The following SUN2 variants were observed in gnomAD, a reference collection of about 807,000 sequenced individuals.
SUN2 encodes the protein Sad1 and UNC84 domain containing 2.
SUN2 carries 60 observed loss-of-function variants against 100.0 expected under a neutral mutation model. The observed-to-expected ratio is 0.60, with a 90% CI of 0.49 to 0.74. The LOEUF (loss-of-function observed/expected upper bound fraction) is 0.74. SUN2 is among the 30% of genes least tolerant of loss of function. SUN2 has a pLI of 0.00. For missense variants in SUN2, 834 were observed against 954.6 expected (o/e 0.87, Z 1.66); for synonymous variants, 367 against 403.3 (o/e 0.91, Z 1.08).
At chr22:38,746,070 A>G (rs909362855) in intron 7 of SUN2, among the ~76,000 whole-genome samples, 15 of 152,192 alleles carry the variant, frequency 9.9e-5, no homozygotes, top group African/African-American at 3.6e-4. Flanking sequence ...CTTGGAGAAA[A>G]CATTTTGAAT....
In SUN2 at chr22:38,736,243, G is replaced by A. The variant is rs753127205; in HGVS notation, c.*24C>T. On this transcript the variant is annotated 3_prime_UTR_variant, in exon 18 of 18. Coordinates refer to ENST00000689035, the MANE Select transcript of SUN2 (RefSeq NM_015374.3). Reference sequence around the variant, plus strand: ...GCTGTTCACCCACTCCCAGATGGCTGGCAGCAGGCACCAGTAAGCAGGGCT... The same window carrying A: ...GCTGTTCACCCACTCCCAGATGGCTAGCAGCAGGCACCAGTAAGCAGGGCT... 6.2e-7 allele frequency: 1 copy of A among 1,601,466 alleles called. No homozygotes were observed. Among genetic ancestry groups the A allele is most frequent in the Non-Finnish European group, 8.5e-7 (1 of 1,171,226 alleles).
At position 38,755,645 on chromosome 22, in the gene SUN2, G is replaced by T; in HGVS notation, c.-38+118C>A. On this transcript the variant is annotated intron_variant, in intron 1 of 17. Coordinates refer to ENST00000689035, the MANE Select transcript of SUN2 (RefSeq NM_015374.3). This position sits in a 1 kb window ranked among gnomAD's most constrained non-coding sequence, Gnocchi z 5.7. ...GTGGAGGCTGGATCCGGCCCAGCACGTCCCGGAGAGGAGGAAGCAGGCCTG... is the reference window on the plus strand; with the variant it reads ...GTGGAGGCTGGATCCGGCCCAGCACTTCCCGGAGAGGAGGAAGCAGGCCTG... 1.0e-6 allele frequency: 1 copy of T among 962,516 alleles called. No homozygotes were observed. The highest frequency in any genetic ancestry group is 1.2e-6 in the Non-Finnish European group (1 of 808,994). 59.6% of individuals were successfully genotyped at this position (962,516 alleles called of 1,614,324 possible).
At chr22:38,750,395 G>T (rs1255082896) in intron 4 of SUN2, 75 bp from the exon 5 acceptor site, 6 of 1,583,786 alleles carry the variant, frequency 3.8e-6, no homozygotes, top group East Asian at 2.3e-5. Context: ...TGTGAGCCAA[G>T]ACCACAAGTC....
chr22:38,750,980 C>T lies in SUN2; in HGVS notation c.342G>A (p.Arg114=), dbSNP rs773389007. The stretch of plus-strand genomic sequence containing the variant: ...CCTTGCGCCCCACAAGCCCGCTGGC[C>T]CTGCTGCTCTCTGAGCCACCCGTGC... ...RRGTGGSESS[R]ASGLVGRKAT... is the part of the protein sequence containing the mutation. The change falls in exon 4 of 18, where the codon AGG becomes AGA. Residue 114 remains arginine, a synonymous_variant. Transcript: ENST00000689035. 8 of 1,613,788 alleles carry T rather than the reference C, an allele frequency of 5.0e-6. No individual in the cohort carries two copies. The Admixed American group carries it at 6.7e-5, about 13-fold the overall frequency.
In SUN2 at chr22:38,739,078, G is replaced by T; in HGVS notation, c.1664-90C>A. Reference sequence around the variant, plus strand: ...GCTGTCTCCTCGCTGAAGGTGGACGGCAGATGCCCCAGGCCTAGCCTTTAA... The same window carrying T: ...GCTGTCTCCTCGCTGAAGGTGGACGTCAGATGCCCCAGGCCTAGCCTTTAA... On this transcript the variant is annotated intron_variant, in intron 14 of 17. Coordinates refer to ENST00000689035, the MANE Select transcript of SUN2 (RefSeq NM_015374.3). This position sits in a 1 kb window ranked among gnomAD's most constrained non-coding sequence, Gnocchi z 6.7. 1 of 1,302,280 alleles carries T rather than the reference G, an allele frequency of 7.7e-7. No individual in the cohort carries two copies. The allele number at this position is 1,302,280 out of a possible 1,614,324, so 80.7% of individuals were successfully genotyped here.
intron 1 of SUN2, chr22:38,754,604 C>CGGGGG: frequency 2.3e-6 from 1 of 437,636 alleles, no homozygotes; most frequent in Non-Finnish European, 4.5e-6. Flanking sequence ...AAGGTAATCT[C>CGGGGG]CCCTCCCCCC....
In SUN2 at chr22:38,737,793, T is replaced by C; in HGVS notation, c.2040+380A>G. 2.4e-6 allele frequency: 1 copy of C among 419,672 alleles called. No individual in the cohort carries two copies. Among genetic ancestry groups the C allele is most frequent in the East Asian group, 6.5e-5 (1 of 15,290 alleles). 26.0% of individuals were successfully genotyped at this position (419,672 alleles called of 1,614,324 possible). ...AGGAGATCGGATGCCCACTGAAGTT[T>C]AAGCCGCATGCACTGCCTGAGGCTC... On this transcript the variant is annotated intron_variant, in intron 17 of 17. Coordinates refer to ENST00000689035, the MANE Select transcript of SUN2 (RefSeq NM_015374.3). This position sits in a 1 kb window ranked among gnomAD's most constrained non-coding sequence, Gnocchi z 4.1.
chr22:38,751,604 G>A (rs1477821155), intron 2 of SUN2, among the ~76,000 whole-genome samples: 1 of 152,250 alleles, frequency 6.6e-6, no homozygotes, highest in Non-Finnish European at 1.5e-5. Flanking sequence ...GCTAGGGATG[G>A]AGCCACATTC....
chr22:38,739,741 A>T lies in SUN2; in HGVS notation c.1559T>A (p.Val520Glu). ...CCTCACCTCCTCTGTCACTCCAATC[A>T]CACCTTCTTTCTGCAGCGTCAGGCT... ...SLSLTLQKEG[V>E]IGVTEEQVHH... The change falls in exon 13 of 18, where the codon GTG becomes GAG. Residue 520 changes from valine to glutamate, a missense_variant. By Grantham distance (121) the Val-to-Glu change is moderately radical (BLOSUM62 -2). Coordinates refer to ENST00000689035, the MANE Select transcript of SUN2 (RefSeq NM_015374.3). The surrounding 1 kb of genome is among the most constrained non-coding windows in gnomAD (Gnocchi z 6.7). The T allele has an allele frequency of 6.2e-7, 1 of 1,613,554 alleles. No individual in the cohort carries two copies.
In SUN2 at chr22:38,740,281, C is replaced by A; in HGVS notation, c.1342G>T (p.Ala448Ser). ...EVGLLPQQIQAVRDDVESQFP... is the reference protein window; with the variant it reads ...EVGLLPQQIQSVRDDVESQFP... ...TTCCCACTCACGTCGTCCCGCACGG[C>A]CTGGATCTGCTGGGGCAGCAGGCCC... The change falls in exon 12 of 18, where the codon GCC becomes TCC. Residue 448 changes from alanine to serine, a missense_variant. By Grantham distance (99) the Ala-to-Ser change is moderately conservative. This residue lies in a region of SUN2 where 559 missense variants were observed against 597.7 expected (regional missense o/e 0.94). Coordinates refer to ENST00000689035, the MANE Select transcript of SUN2 (RefSeq NM_015374.3). The surrounding 1 kb of genome is among the most constrained non-coding windows in gnomAD (Gnocchi z 4.8). The A allele has an allele frequency of 6.3e-7, 1 of 1,598,606 alleles. No individual in the cohort carries two copies. Among genetic ancestry groups the A allele is most frequent in the Non-Finnish European group, 8.5e-7 (1 of 1,172,836 alleles).
Position 38,755,982 on chromosome 22 carries a change from C to A in SUN2, c.-257G>T, listed in dbSNP as rs893020720. ...GGAGGCCCGCGCTGCGCGAGTGGGG[C>A]CGGGCGGCGCGCGTGTGGCCGACTC... is the stretch of plus-strand genomic sequence containing the variant. On this transcript the variant is annotated 5_prime_UTR_variant, in exon 1 of 18. Coordinates refer to ENST00000689035, the MANE Select transcript of SUN2 (RefSeq NM_015374.3). The surrounding 1 kb of genome is among the most constrained non-coding windows in gnomAD (Gnocchi z 5.7). 1 of 984,234 alleles carries A rather than the reference C, an allele frequency of 1.0e-6. No homozygotes were observed. Among genetic ancestry groups the A allele is most frequent in the African/African-American group, 1.7e-5 (1 of 57,196 alleles). 61.0% of individuals were successfully genotyped at this position (984,234 alleles called of 1,614,324 possible). A position where few individuals can be genotyped will look rare whatever the true frequency, so the allele number is the denominator to read the frequency against.
rs909288434 is a variant in SUN2 at position 38,740,123 on chromosome 22, C to T, written c.1356+144G>A. The stretch of plus-strand genomic sequence containing the variant: ...CAGGAAGAACGCCTGTCAGTGAGAG[C>T]CCACATGTGTCAAGGCCAACGCCAC... On this transcript the variant is annotated intron_variant, in intron 12 of 17. Coordinates refer to ENST00000689035, the MANE Select transcript of SUN2 (RefSeq NM_015374.3). The surrounding 1 kb of genome is among the most constrained non-coding windows in gnomAD (Gnocchi z 4.8). The T allele has an allele frequency of 2.3e-5, 29 of 1,253,234 alleles. No homozygotes were observed. The African/African-American group carries it at 4.1e-4, about 18-fold the overall frequency. 77.6% of individuals were successfully genotyped at this position (1,253,234 alleles called of 1,614,324 possible). A position where few individuals can be genotyped will look rare whatever the true frequency, so the allele number is the denominator to read the frequency against.
rs141299919 is a variant in SUN2, at chr22:38,751,267, C to T, written c.229G>A (p.Glu77Lys). The change falls in exon 3 of 18, where the codon GAG becomes AAG. Residue 77 changes from glutamate to lysine, a missense_variant. Physicochemically the swap from Glu to Lys is moderately conservative, Grantham distance 56 (BLOSUM62 1). Coordinates refer to ENST00000689035, the MANE Select transcript of SUN2 (RefSeq NM_015374.3). ...GAGCTCCTGGGTGGGAACCAGGACT[C>T]GTGGACCAGCGACTCACTGTAGTAG... ...TSYYSESLVHESWFPPRSSLE... is the reference protein window; with the variant it reads ...TSYYSESLVHKSWFPPRSSLE... 68 of 1,614,000 alleles carry T rather than the reference C, an allele frequency of 4.2e-5. No individual in the cohort carries two copies. The highest frequency in any genetic ancestry group is 4.7e-5 in the Non-Finnish European group (56 of 1,179,992).
At chr22:38,752,094 C>T (rs2092949617) in intron 2 of SUN2, among the ~76,000 whole-genome samples, 2 of 152,234 alleles carry the variant, frequency 1.3e-5, no homozygotes, top group South Asian at 4.1e-4. Context: ...CCTGCCTCAG[C>T]CTCCTGAGTA....
rs142155226 is a variant in SUN2, at chr22:38,748,763, G to A, written c.635C>T (p.Thr212Met). The change falls in exon 7 of 18, where the codon ACG becomes ATG. Residue 212 changes from threonine (T) to methionine (M), a missense_variant. Transcript: ENST00000689035. ...CAGCGGCAGCAGGAACCAGAGGAAC[G>A]TCTTCAGGGACGAGAAGCGCCTGGA... ...VLTRRFSSLK[T>M]FLWFLLPLLL... is the part of the protein sequence containing the mutation. 1.2e-4 allele frequency: 190 copies of A among 1,614,242 alleles called. No individual in the cohort carries two copies. In the East Asian group the frequency reaches 1.9e-3, roughly 16 times the overall value.
In SUN2 at chr22:38,739,680, G is replaced by C. The variant is rs369141738; in HGVS notation, c.1578+42C>G. The C allele has an allele frequency of 3.1e-6, 5 of 1,596,658 alleles. No homozygotes were observed. Among genetic ancestry groups the C allele is most frequent in the Non-Finnish European group, 4.3e-6 (5 of 1,168,190 alleles). ...GACTGTCCAGGGCTCCCAGGGAGGA[G>C]AGCTGTGGGTGGGTGTGTGGAGAGG... On this transcript the variant is annotated intron_variant, in intron 13 of 17. Coordinates refer to ENST00000689035, the MANE Select transcript of SUN2 (RefSeq NM_015374.3). The surrounding 1 kb of genome is among the most constrained non-coding windows in gnomAD (Gnocchi z 6.7).
chr22:38,738,361 A>G lies in SUN2; in HGVS notation c.1948-96T>C. On this transcript the variant is annotated intron_variant, in intron 16 of 17. Transcript: ENST00000689035. The surrounding 1 kb of genome is among the most constrained non-coding windows in gnomAD (Gnocchi z 6.6). ...GCTCCTCCCACCCAGCAGGTCAGGCACCAGAGTGGCCTATGACAAGTCACT... is the reference window on the plus strand; with the variant it reads ...GCTCCTCCCACCCAGCAGGTCAGGCGCCAGAGTGGCCTATGACAAGTCACT... 8.3e-7 allele frequency: 1 copy of G among 1,204,672 alleles called. No individual in the cohort carries two copies. The highest frequency in any genetic ancestry group is 1.2e-6 in the Non-Finnish European group (1 of 840,016). 74.6% of individuals were successfully genotyped at this position (1,204,672 alleles called of 1,614,324 possible).
chr22:38,740,235 G>A lies in SUN2; in HGVS notation c.1356+32C>T. ...ACGTCGTCTCAAAGGAGGAGGAGAG[G>A]GACCAGCAGGGCCCTGGTGGTTCCC... On this transcript the variant is annotated intron_variant, in intron 12 of 17. Transcript: ENST00000689035. This position sits in a 1 kb window ranked among gnomAD's most constrained non-coding sequence, Gnocchi z 4.8. 6.6e-7 allele frequency: 1 copy of A among 1,513,778 alleles called. No homozygotes were observed. The highest frequency in any genetic ancestry group is 8.9e-7 in the Non-Finnish European group (1 of 1,128,164). 93.8% of individuals were successfully genotyped at this position (1,513,778 alleles called of 1,614,324 possible). A position where few individuals can be genotyped will look rare whatever the true frequency, so the allele number is the denominator to read the frequency against.
At position 38,739,887 on chromosome 22, in the gene SUN2, G is replaced by GC; in HGVS notation, c.1412dup (p.Arg472ProfsTer70). 3 of 1,613,102 alleles carry GC rather than the reference G, an allele frequency of 1.9e-6. No homozygotes were observed. Among genetic ancestry groups the GC allele is most frequent in the Non-Finnish European group, 2.5e-6 (3 of 1,180,008 alleles). On this transcript the variant is annotated frameshift_variant, in exon 13 of 18. Coordinates refer to ENST00000689035, the MANE Select transcript of SUN2 (RefSeq NM_015374.3). LOFTEE classifies it high-confidence loss of function. This position sits in a 1 kb window ranked among gnomAD's most constrained non-coding sequence, Gnocchi z 6.7. ...CCTCTCTCTGAAGGAGCCCCACGCG[G>GC]CCCCCTCCACCTCGGGCAAGGAACT...
Sources: gnomAD v4.1 joint callset for allele counts (sites outside exome capture counted in the v4.1 genomes callset) on GRCh38, gnomAD v4.1.1 for gene constraint, gnomAD v4.1.1 regional missense constraint, Gnocchi (gnomAD v3.1) non-coding constraint, MANE v1.5 for transcripts, NCBI Gene and HGNC (gene_info 2026-07-23, HGNC 2026-07-21) for gene names.